ARHGEF7: variants seen among roughly 807,000 people sequenced by gnomAD.
ARHGEF7 encodes the protein Rho guanine nucleotide exchange factor 7.
In ARHGEF7, 33 loss-of-function variants were observed where a neutral mutation model predicts 109.8. That is an observed-to-expected ratio of 0.30 (90% CI 0.23 to 0.40). The LOEUF is 0.40. Ranked by LOEUF, ARHGEF7 falls within the 10% of genes least tolerant of loss-of-function variation. The pLI, the probability that ARHGEF7 is intolerant of heterozygous loss-of-function variation, is 1.00. For synonymous variants in ARHGEF7, 458 were observed against 424.6 expected (o/e 1.08, Z -0.97); for missense variants, 938 against 1,098.5 (o/e 0.85, Z 2.07).
At chr13:111,186,788 A>G in intron 2 of ARHGEF7, 4 of 985,344 alleles carry the variant, frequency 4.1e-6, no homozygotes, top group Non-Finnish European at 3.6e-6. Flanking sequence ...AGACCACTAA[A>G]GCTTCAGTGA....
At chr13:111,160,821 C>G (rs1204437734) in intron 2 of ARHGEF7, among the ~76,000 whole-genome samples, 4 of 152,186 alleles carry the variant, frequency 2.6e-5, no homozygotes, top group Non-Finnish European at 5.9e-5. Context: ...CTGTCTCCTG[C>G]TGCCCTGTGA....
intron 2 of ARHGEF7, among the ~76,000 whole-genome samples, chr13:111,179,007 G>C: frequency 6.6e-6 from 1 of 151,692 alleles, no homozygotes; most frequent in East Asian, 1.9e-4. Context: ...AACAAAGGTT[G>C]GGAGACTAGA....
Position 111,267,590 on chromosome 13 carries a change from C to T in ARHGEF7, c.993C>T (p.Asn331=), listed in dbSNP as rs2091768121. The change falls in exon 9 of 22, where the codon AAC becomes AAT. Residue 331 remains asparagine, a synonymous_variant. Transcript: ENST00000646102. ...AQQRVGGCFL[N]LMPQMKTLYL... ...AGAGAGTCGGAGGCTGCTTTTTAAA[C>T]CTGATGCCACAGATGAAAACCCTGT... is the stretch of plus-strand genomic sequence containing the variant. The T allele has an allele frequency of 2.5e-6, 4 of 1,614,108 alleles. No individual in the cohort carries two copies. The highest frequency in any genetic ancestry group is 3.4e-6 in the Non-Finnish European group (4 of 1,179,968).
intron 5 of ARHGEF7, among the ~76,000 whole-genome samples, chr13:111,227,501 CT>C (rs202180783): frequency 2.6e-4 from 39 of 151,660 alleles, no homozygotes; most frequent in African/African-American, 7.3e-4. Flanking sequence ...TTTTTAGAAA[CT>C]TTTTTTTTAA....
At chr13:111,286,074 G>A in intron 16 of ARHGEF7, 73 bp from the exon 17 acceptor site, 2 of 1,227,412 alleles carry the variant, frequency 1.6e-6, no homozygotes, top group Non-Finnish European at 2.4e-6. Flanking sequence ...TACCTTTACA[G>A]CAGCCTTTCT....
chr13:111,150,150 T>C (rs1378792490), intron 1 of ARHGEF7, among the ~76,000 whole-genome samples: 1 of 152,246 alleles, frequency 6.6e-6, no homozygotes, highest in African/African-American at 2.4e-5. Context: ...TGGTTCAGCC[T>C]TGTCTGCCTG....
intron 3 of ARHGEF7, among the ~76,000 whole-genome samples, chr13:111,208,985 T>C (rs1016760839): frequency 2.0e-5 from 3 of 152,166 alleles, no homozygotes; most frequent in African/African-American, 7.2e-5. Flanking sequence ...AATCTGGGTT[T>C]TTGGTGATAC....
intron 8 of ARHGEF7, among the ~76,000 whole-genome samples, chr13:111,260,399 A>T (rs1229658417): frequency 6.6e-6 from 1 of 152,260 alleles, no homozygotes; most frequent in East Asian, 1.9e-4. Flanking sequence ...AAGATGCTCC[A>T]GTACATCTGG....
intron 8 of ARHGEF7, among the ~76,000 whole-genome samples, chr13:111,260,863 G>GT (rs1363275379): frequency 6.6e-6 from 1 of 152,160 alleles, no homozygotes; most frequent in Non-Finnish European, 1.5e-5. Flanking sequence ...AAAGTGTAGA[G>GT]TTTTTAATTA....
chr13:111,221,422 T>TAGAC (rs1675245324), intron 5 of ARHGEF7, among the ~76,000 whole-genome samples: 2 of 5,446 alleles, frequency 3.7e-4, no homozygotes, highest in Non-Finnish European at 1.0e-3. Flanking sequence ...GATGTCTATA[T>TAGAC]ATCTATATAT....
At chr13:111,278,627 G>T (rs2092621493) in intron 13 of ARHGEF7, among the ~76,000 whole-genome samples, 1 of 152,234 alleles carries the variant, frequency 6.6e-6, no homozygotes, top group African/African-American at 2.4e-5. Flanking sequence ...GCTGTAGTTT[G>T]TTAGGCCACT....
chr13:111,115,550 T>C lies in ARHGEF7; in HGVS notation c.24T>C (p.Val8=). MNSAEQT[V]TWLITLGVLE... is the part of the protein sequence containing the mutation. Reference sequence around the variant, plus strand: ...CGATGAATTCCGCCGAGCAAACCGTTACGTGGCTCATCACTCTGGGGGTGC... The same window carrying C: ...CGATGAATTCCGCCGAGCAAACCGTCACGTGGCTCATCACTCTGGGGGTGC... Residue 8 remains valine (V), a synonymous_variant, in exon 1 of 22, where the codon GTT becomes GTC. Transcript: ENST00000646102. The C allele has an allele frequency of 7.1e-7, 1 of 1,400,786 alleles. No individual in the cohort carries two copies. Among genetic ancestry groups the C allele is most frequent in the Non-Finnish European group, 9.5e-7 (1 of 1,057,846 alleles). 86.8% of individuals were successfully genotyped at this position (1,400,786 alleles called of 1,614,324 possible). A position where few individuals can be genotyped will look rare whatever the true frequency, so the allele number is the denominator to read the frequency against.
intron 8 of ARHGEF7, among the ~76,000 whole-genome samples, chr13:111,246,197 C>CT (rs1373554530): frequency 3.3e-5 from 5 of 152,202 alleles, no homozygotes; most frequent in Admixed American, 2.0e-4. Context: ...TTTCAGTAGT[C>CT]TATCAGGTGA....
intron 4 of ARHGEF7, among the ~76,000 whole-genome samples, chr13:111,217,331 TG>T (rs1212291802): frequency 4.6e-5 from 7 of 151,992 alleles, no homozygotes; most frequent in African/African-American, 1.7e-4. Context: ...TTAAGTGTTA[TG>T]TAAGCACCAG....
At chr13:111,271,598 G>A (rs2092151288) in intron 9 of ARHGEF7, among the ~76,000 whole-genome samples, 1 of 152,154 alleles carries the variant, frequency 6.6e-6, no homozygotes, top group Non-Finnish European at 1.5e-5. Context: ...AAGATGTTGA[G>A]TTGTCTGTTG....
At chr13:111,169,891 G>A (rs777371085) in intron 2 of ARHGEF7, among the ~76,000 whole-genome samples, 3 of 152,142 alleles carry the variant, frequency 2.0e-5, no homozygotes, top group East Asian at 3.9e-4. Context: ...AGGAATGAGC[G>A]TGTGAACAAA....
chr13:111,221,163 ATATATAT>A, intron 5 of ARHGEF7, among the ~76,000 whole-genome samples: 1 of 90,282 alleles, frequency 1.1e-5, no homozygotes, highest in African/African-American at 4.4e-5. Flanking sequence ...ATATATGTCT[ATATATAT>A]CTATATAGAT....
intron 8 of ARHGEF7, among the ~76,000 whole-genome samples, chr13:111,251,935 T>C (rs1258817517): frequency 6.6e-6 from 1 of 152,246 alleles, no homozygotes; most frequent in African/African-American, 2.4e-5. Flanking sequence ...TTGTAGCTTA[T>C]ATGACTTTTT....
chr13:111,286,342 C>A, intron 17 of ARHGEF7, 102 bp downstream of exon 17: 2 of 928,066 alleles, frequency 2.2e-6, no homozygotes, highest in Non-Finnish European at 3.5e-6. Flanking sequence ...CTGAAGACTC[C>A]AAACAAAAGT....
Sources: allele counts gnomAD v4.1 joint callset (sites outside exome capture counted in the v4.1 genomes callset), GRCh38; gene constraint gnomAD v4.1.1; transcripts MANE v1.5; gene names NCBI Gene and HGNC (gene_info 2026-07-23, HGNC 2026-07-21).